VPS50: variants seen among roughly 807,000 people sequenced by gnomAD.
VPS50 encodes the protein syndetin.
Under a neutral mutation model 139.7 loss-of-function variants are expected in VPS50, and 70 were observed. That is an observed-to-expected ratio of 0.50 (90% CI 0.41 to 0.61). VPS50 has a LOEUF of 0.61. Ranked by LOEUF, VPS50 falls within the 20% of genes least tolerant of loss-of-function variation. The pLI is 0.00. For missense variants in VPS50, 921 were observed against 1,133.7 expected, an observed-to-expected ratio of 0.81 and a Z score of 2.69; for synonymous variants, 365 against 376.7, an observed-to-expected ratio of 0.97 and a Z score of 0.36.
chr7:93,304,509 T>C (rs1219849543), intron 17 of VPS50, among the ~76,000 whole-genome samples: 1 of 151,792 alleles, frequency 6.6e-6, no homozygotes, highest in Non-Finnish European at 1.5e-5. Context: ...ACATAAGCAT[T>C]AACATTAAAT....
intron 6 of VPS50, among the ~76,000 whole-genome samples, chr7:93,257,918 A>G (rs969433772): frequency 2.0e-5 from 3 of 151,980 alleles, no homozygotes; most frequent in African/African-American, 7.2e-5. Flanking sequence ...GCTTATTCTC[A>G]GTTTCTGTAA....
intron 21 of VPS50, among the ~76,000 whole-genome samples, chr7:93,324,932 T>C (rs1421360750): frequency 6.6e-6 from 1 of 152,062 alleles, no homozygotes; most frequent in African/African-American, 2.4e-5. Context: ...CTTCACAGAA[T>C]TGGAAAAAAC....
intron 27 of VPS50, among the ~76,000 whole-genome samples, chr7:93,357,272 G>T (rs1004732324): frequency 6.6e-6 from 1 of 152,202 alleles, no homozygotes; most frequent in Non-Finnish European, 1.5e-5. Flanking sequence ...CCCGTTTTTT[G>T]AATTTCCTCT....
rs1798816361 is a variant in VPS50, at chr7:93,360,954, T to C, written c.*2518T>C. ...CTTGAAACCAGGGCCATATGGTATTTTATCATATCTTTAAATAAAATTTCG... is the reference window on the plus strand; with the variant it reads ...CTTGAAACCAGGGCCATATGGTATTCTATCATATCTTTAAATAAAATTTCG... On this transcript the variant is annotated 3_prime_UTR_variant, in exon 28 of 28. Coordinates refer to ENST00000305866, the MANE Select transcript of VPS50 (RefSeq NM_017667.4). 1 of 151,960 alleles carries C rather than the reference T, an allele frequency of 6.6e-6. No individual in the cohort carries two copies. Among genetic ancestry groups the C allele is most frequent in the South Asian group, 2.1e-4 (1 of 4,826 alleles). The allele number at this position is 151,960 out of a possible 1,614,324, so 9.4% of individuals were successfully genotyped here. A position where few individuals can be genotyped will look rare whatever the true frequency, so the allele number is the denominator to read the frequency against.
At chr7:93,256,482 C>G (rs1405688487) in intron 4 of VPS50, 27 bp from the exon 5 acceptor site, 6 of 1,135,484 alleles carry the variant, frequency 5.3e-6, no homozygotes, top group Non-Finnish European at 7.4e-6. Context: ...TCTTTTATTT[C>G]CTTTGTTTGA....
At position 93,287,566 on chromosome 7, in the gene VPS50, T is replaced by C. The variant is rs139097440; in HGVS notation, c.943-4137T>C. Among the ~76,000 whole-genome samples the C allele has an allele frequency of 2.1e-3, 325 of 152,268 alleles. 1 individual carries two copies. The highest frequency in any genetic ancestry group is 7.4e-3 in the African/African-American group (307 of 41,558). ...AGAAATTAATTATAACACAATTATT[T>C]GTACAGTCATAATTTTTCTTTGGGA... On this transcript the variant is annotated intron_variant, in intron 12 of 27. Transcript: ENST00000305866.
At chr7:93,303,439 T>C (rs373528943) in intron 16 of VPS50, 21 bp from the exon 17 acceptor site, 3 of 1,165,594 alleles carry the variant, frequency 2.6e-6, no homozygotes, top group Admixed American at 1.8e-5. Flanking sequence ...CTTTTTGGAG[T>C]GTTCATTTTC....
intron 25 of VPS50, among the ~76,000 whole-genome samples, chr7:93,351,070 A>G (rs1798542478): frequency 6.6e-6 from 1 of 152,282 alleles, no homozygotes; most frequent in South Asian, 2.1e-4. Flanking sequence ...CCCAACTCCC[A>G]GCAATTTATG....
chr7:93,276,671 A>G (rs944540792), intron 12 of VPS50, among the ~76,000 whole-genome samples: 2 of 152,188 alleles, frequency 1.3e-5, no homozygotes, highest in African/African-American at 2.4e-5. Flanking sequence ...TTTCATGTGT[A>G]TGAATGCTGC....
chr7:93,347,931 G>T (rs1798448743), intron 23 of VPS50, among the ~76,000 whole-genome samples: 1 of 151,104 alleles, frequency 6.6e-6, no homozygotes, highest in African/African-American at 2.4e-5. Flanking sequence ...ACCTATGTAA[G>T]TAACCTGCAC....
chr7:93,267,872 A>G (rs1795888123), intron 9 of VPS50, among the ~76,000 whole-genome samples: 1 of 152,188 alleles, frequency 6.6e-6, no homozygotes, highest in African/African-American at 2.4e-5. Flanking sequence ...GTCTATGTGA[A>G]GTTATTTTTT....
chr7:93,287,587 T>TG, intron 12 of VPS50, among the ~76,000 whole-genome samples: 1 of 152,156 alleles, frequency 6.6e-6, no homozygotes, highest in East Asian at 1.9e-4. Flanking sequence ...AATTTTTCTT[T>TG]GGGAAAAAAT....
At chr7:93,326,229 T>G (rs1468472578) in intron 21 of VPS50, among the ~76,000 whole-genome samples, 8 of 137,906 alleles carry the variant, frequency 5.8e-5, no homozygotes, top group African/African-American at 1.9e-4. Flanking sequence ...TTCTCACTCA[T>G]AGGTGGGAAT....
At chr7:93,339,190 T>TA (rs1432276869) in intron 22 of VPS50, among the ~76,000 whole-genome samples, 1 of 151,964 alleles carries the variant, frequency 6.6e-6, no homozygotes, top group Non-Finnish European at 1.5e-5. Context: ...ATGATGGAGA[T>TA]ACGACATTAA....
At chr7:93,275,173 G>GT (rs777671326) in intron 11 of VPS50, among the ~76,000 whole-genome samples, 1 of 152,144 alleles carries the variant, frequency 6.6e-6, no homozygotes, top group South Asian at 2.1e-4. Context: ...GAATCTACTA[G>GT]TGAACATGCC....
In VPS50 at chr7:93,294,612, A is replaced by G. The variant is rs373817251; in HGVS notation, c.1143A>G (p.Glu381=). Residue 381 remains glutamate (E), a synonymous_variant, in exon 14 of 28, where the codon GAA becomes GAG. Coordinates refer to ENST00000305866, the MANE Select transcript of VPS50 (RefSeq NM_017667.4). ...FDRGYIKKKL[E]HGLTRIWQDV... Reference sequence around the variant, plus strand: ...GTGGCTACATAAAAAAGAAATTAGAACATGGACTTACACGAATATGGCAGG... The same window carrying G: ...GTGGCTACATAAAAAAGAAATTAGAGCATGGACTTACACGAATATGGCAGG... The G allele has an allele frequency of 5.9e-5, 94 of 1,598,684 alleles. No homozygotes were observed. The highest frequency in any genetic ancestry group is 7.9e-5 in the Non-Finnish European group (93 of 1,174,064).
At chr7:93,268,818 G>A (rs1476029956) in intron 9 of VPS50, among the ~76,000 whole-genome samples, 1 of 152,112 alleles carries the variant, frequency 6.6e-6, no homozygotes, top group Non-Finnish European at 1.5e-5. Flanking sequence ...GCTGCAGTGA[G>A]CATACACGTG....
rs377140465 is a variant in VPS50 at position 93,285,154 on chromosome 7, AC to A, written c.943-6546del. ...ATTCATCTAAAGATACTGATAACCA[AC>A]CCTTTGTTGTTTTTTGAAATCCATC... is the stretch of plus-strand genomic sequence containing the variant. On this transcript the variant is annotated intron_variant, in intron 12 of 27. Transcript: ENST00000305866. Among the ~76,000 whole-genome samples, 705 of 151,978 alleles carry A rather than the reference AC, an allele frequency of 4.6e-3. 7 individuals are homozygous for A. Among genetic ancestry groups the A allele is most frequent in the African/African-American group, 0.016 (670 of 41,442 alleles).
At chr7:93,301,163 G>A (rs1451433443) in intron 16 of VPS50, among the ~76,000 whole-genome samples, 1 of 152,014 alleles carries the variant, frequency 6.6e-6, no homozygotes, top group Non-Finnish European at 1.5e-5. Flanking sequence ...CGGGCGTGGT[G>A]GCGGGTGCCT....
Sources: allele counts gnomAD v4.1 joint callset (sites outside exome capture counted in the v4.1 genomes callset), GRCh38; gene constraint gnomAD v4.1.1; transcripts MANE v1.5; gene names NCBI Gene and HGNC (gene_info 2026-07-23, HGNC 2026-07-21).